LSAMP: variants seen among roughly 807,000 people sequenced by gnomAD.
LSAMP encodes limbic system-associated membrane protein.
LSAMP carries 7 observed loss-of-function variants against 38.6 expected under a neutral mutation model. The ratio of observed to expected loss-of-function variants is 0.18; its 90% CI spans 0.10 to 0.34. The LOEUF (loss-of-function observed/expected upper bound fraction) is 0.34. LSAMP is among the 10% of genes least tolerant of loss of function. LSAMP has a pLI of 1.00. For synonymous variants in LSAMP, 154 were observed against 166.8 expected (o/e 0.92, Z 0.59); for missense variants, 313 against 420.0 (o/e 0.75, Z 2.23).
chr3:115,902,761 T>C (rs1936910421), intron 3 of LSAMP, among the ~76,000 whole-genome samples: 1 of 152,144 alleles, frequency 6.6e-6, no homozygotes, highest in Non-Finnish European at 1.5e-5. Flanking sequence ...TCATTGGTCA[T>C]CAGAGAAATG....
intron 1 of LSAMP, among the ~76,000 whole-genome samples, chr3:116,286,840 T>C (rs186844086): frequency 6.6e-6 from 1 of 152,084 alleles, no homozygotes; most frequent in Admixed American, 6.5e-5. Flanking sequence ...CATTAACTTT[T>C]TCTAGTTCTG....
chr3:116,391,438 G>A (rs1005380828), intron 1 of LSAMP, among the ~76,000 whole-genome samples: 2 of 152,192 alleles, frequency 1.3e-5, no homozygotes, highest in African/African-American at 2.4e-5. Context: ...CTGCTGCTGC[G>A]GGGAGGGCAT....
chr3:116,017,010 T>C lies in LSAMP; in HGVS notation c.514+2505A>G, dbSNP rs536395087. On this transcript the variant is annotated intron_variant, in intron 3 of 6. Coordinates refer to ENST00000490035, the MANE Select transcript of LSAMP (RefSeq NM_002338.5). ...CCTCTGAGTTTATGTAAATACAGCCTTTATTCTTGAAGACATGGCTTGTCC... is the reference window on the plus strand; with the variant it reads ...CCTCTGAGTTTATGTAAATACAGCCCTTATTCTTGAAGACATGGCTTGTCC... Among the ~76,000 whole-genome samples the C allele has an allele frequency of 2.0e-5, 3 of 152,226 alleles. No individual in the cohort carries two copies. In the East Asian group the frequency reaches 5.8e-4, roughly 29 times the overall value.
intron 4 of LSAMP, among the ~76,000 whole-genome samples, chr3:115,844,595 T>A (rs1250059989): frequency 1.3e-5 from 2 of 152,162 alleles, no homozygotes. Flanking sequence ...AGACATGAGC[T>A]CAAATCCAGG....
chr3:115,973,601 G>T (rs1487550132), intron 3 of LSAMP, among the ~76,000 whole-genome samples: 1 of 152,060 alleles, frequency 6.6e-6, no homozygotes, highest in South Asian at 2.1e-4. Flanking sequence ...TGGCATGGTG[G>T]CAGGTGCCTG....
At chr3:116,096,011 G>A (rs182068147) in intron 1 of LSAMP, among the ~76,000 whole-genome samples, 30 of 152,248 alleles carry the variant, frequency 2.0e-4, no homozygotes, top group African/African-American at 7.0e-4. Context: ...TGGGACATTT[G>A]TTTATCCTCT....
intron 3 of LSAMP, among the ~76,000 whole-genome samples, chr3:115,872,827 G>C (rs1046446542): frequency 6.6e-6 from 1 of 152,110 alleles, no homozygotes; most frequent in Non-Finnish European, 1.5e-5. Flanking sequence ...TGGGAAAGGA[G>C]AAGAGAACTA....
At chr3:115,948,091 A>G (rs1478985986) in intron 3 of LSAMP, among the ~76,000 whole-genome samples, 1 of 152,252 alleles carries the variant, frequency 6.6e-6, no homozygotes, top group Admixed American at 6.5e-5. Flanking sequence ...GTAAAGTCCA[A>G]GAACATTTCA....
chr3:116,050,454 G>A (rs1941374846), intron 2 of LSAMP, among the ~76,000 whole-genome samples: 1 of 151,788 alleles, frequency 6.6e-6, no homozygotes, highest in South Asian at 2.1e-4. Flanking sequence ...TTCCTGCAGG[G>A]AGTCTCACCA....
chr3:116,167,790 A>C (rs1029349357), intron 1 of LSAMP, among the ~76,000 whole-genome samples: 1 of 152,234 alleles, frequency 6.6e-6, no homozygotes, highest in Non-Finnish European at 1.5e-5. Context: ...ATAATAATGT[A>C]GGGTTATTAT....
intron 3 of LSAMP, among the ~76,000 whole-genome samples, chr3:116,003,442 A>G (rs1940058706): frequency 6.6e-6 from 1 of 152,148 alleles, no homozygotes; most frequent in African/African-American, 2.4e-5. Context: ...GCCTTTCAAA[A>G]GTCATTTGGG....
chr3:116,311,230 T>G (rs1001655614), intron 1 of LSAMP, among the ~76,000 whole-genome samples: 3 of 152,214 alleles, frequency 2.0e-5, no homozygotes, highest in African/African-American at 7.2e-5. Flanking sequence ...TCGTTGGAAC[T>G]ACTTCATCTT....
intron 2 of LSAMP, among the ~76,000 whole-genome samples, chr3:116,044,200 T>C (rs1941241447): frequency 6.6e-6 from 1 of 152,242 alleles, no homozygotes; most frequent in Non-Finnish European, 1.5e-5. Context: ...TGCTTTGCTT[T>C]CTGGATGGAA....
intron 1 of LSAMP, among the ~76,000 whole-genome samples, chr3:116,220,372 C>CACAT (rs1243060791): frequency 2.0e-5 from 3 of 151,194 alleles, no homozygotes; most frequent in Admixed American, 2.0e-4. Flanking sequence ...CACACACACA[C>CACAT]ACACACACAC....
chr3:115,875,993 T>C (rs1156312297), intron 3 of LSAMP, among the ~76,000 whole-genome samples: 1 of 152,010 alleles, frequency 6.6e-6, no homozygotes. Context: ...AACAGGTAAT[T>C]GATTTTTTTC....
chr3:115,854,250 A>ATATTAT lies in LSAMP; in HGVS notation c.515-1639_515-1634dup, dbSNP rs769267859. On this transcript the variant is annotated intron_variant, in intron 3 of 6. Coordinates refer to ENST00000490035, the MANE Select transcript of LSAMP (RefSeq NM_002338.5). ...GAATTAGTCTATAGCATATAGTTAA[A>ATATTAT]TATTATTATTATTATTATTATTATT... Among the ~76,000 whole-genome samples, 569 of 124,200 alleles carry ATATTAT rather than the reference A, an allele frequency of 4.6e-3. 29 individuals are homozygous for ATATTAT. The highest frequency in any genetic ancestry group is 0.033 in the Admixed American group (353 of 10,780). The allele number at this position is 124,200 out of a possible 152,430, so 81.5% of individuals were successfully genotyped here.
At chr3:115,913,772 T>G (rs1937184732) in intron 3 of LSAMP, among the ~76,000 whole-genome samples, 1 of 152,092 alleles carries the variant, frequency 6.6e-6, no homozygotes, top group African/African-American at 2.4e-5. Context: ...TCCCATGAGG[T>G]TCTTCCATAA....
rs1455849353 is a variant in LSAMP, at chr3:115,806,747, C to T, written c.*3570G>A. ...CAGTCCTTCCTGAGAGAAAACCCATCTGCTTTTCTATAAGCCTTAGTTCTT... is the reference window on the plus strand; with the variant it reads ...CAGTCCTTCCTGAGAGAAAACCCATTTGCTTTTCTATAAGCCTTAGTTCTT... On this transcript the variant is annotated 3_prime_UTR_variant, in exon 7 of 7. Transcript: ENST00000490035. 7 of 152,230 alleles carry T rather than the reference C, an allele frequency of 4.6e-5. No homozygotes were observed. Among genetic ancestry groups the T allele is most frequent in the Non-Finnish European group, 8.8e-5 (6 of 68,040 alleles). 9.4% of individuals were successfully genotyped at this position (152,230 alleles called of 1,614,324 possible).
chr3:116,302,378 T>C (rs974204735), intron 1 of LSAMP, among the ~76,000 whole-genome samples: 3 of 152,196 alleles, frequency 2.0e-5, no homozygotes, highest in African/African-American at 7.2e-5. Flanking sequence ...GCCTTCATCT[T>C]TCTAAGCCCA....
Sources: gnomAD v4.1 joint callset for allele counts (sites outside exome capture counted in the v4.1 genomes callset) on GRCh38, gnomAD v4.1.1 for gene constraint, MANE v1.5 for transcripts, NCBI Gene and HGNC (gene_info 2026-07-23, HGNC 2026-07-21) for gene names.